Variants in TNS1 observed in about 807,000 individuals in gnomAD.
TNS1 encodes the protein tensin-1.
TNS1 carries 62 observed loss-of-function variants against 168.6 expected under a neutral mutation model. The ratio of observed to expected loss-of-function variants is 0.37; its 90% CI spans 0.30 to 0.45. The LOEUF (loss-of-function observed/expected upper bound fraction) is 0.45, where lower values mean the gene tolerates loss of function less well. Ranked by LOEUF, TNS1 falls within the 20% of genes least tolerant of loss-of-function variation. TNS1 has a pLI of 1.00. For synonymous variants in TNS1, 934 were observed against 933.2 expected (o/e 1.00, Z -0.02); for missense variants, 2,240 against 2,339.4 (o/e 0.96, Z 0.88).
chr2:217,995,545 C>A lies in TNS1; in HGVS notation c.34-4489G>T, dbSNP rs1958453932. Among the ~76,000 whole-genome samples the A allele has an allele frequency of 6.6e-6, 1 of 152,132 alleles. No homozygotes were observed. Among genetic ancestry groups the A allele is most frequent in the Non-Finnish European group, 1.5e-5 (1 of 68,024 alleles). On this transcript the variant is annotated intron_variant, in intron 1 of 32. Transcript: ENST00000682258. This position sits in a 1 kb window ranked among gnomAD's most constrained non-coding sequence, Gnocchi z 4.1. ...CTCCCCCCGGGTTGTTCTGCAGGTA[C>A]AGGCAGAGGATGTAAACAAGCCCCA...
chr2:217,809,818 C>T lies in TNS1; in HGVS notation c.5273+5G>A. ...CCCACCGAGGAGCAGGCAGGGGAGT[C>T]TTACTTTCTCTGGTTGTCAGTCAGA... On this transcript the variant is annotated splice_donor_5th_base_variant and intron_variant, in intron 30 of 32. Transcript: ENST00000682258. The T allele has an allele frequency of 6.2e-7, 1 of 1,611,522 alleles. No individual in the cohort carries two copies. Among genetic ancestry groups the T allele is most frequent in the Non-Finnish European group, 8.5e-7 (1 of 1,177,974 alleles).
At chr2:217,917,152 C>T (rs191657749) in intron 4 of TNS1, among the ~76,000 whole-genome samples, 1 of 152,292 alleles carries the variant, frequency 6.6e-6, no homozygotes, top group Non-Finnish European at 1.5e-5. Context: ...CAGCTGAAGG[C>T]AGCTGCCACC....
intron 4 of TNS1, among the ~76,000 whole-genome samples, chr2:217,916,371 C>A (rs1955006337): frequency 6.6e-6 from 1 of 152,060 alleles, no homozygotes; most frequent in East Asian, 1.9e-4. Context: ...CTGGGCCTGC[C>A]TGGGCAAGTA....
chr2:217,911,719 G>C (rs185503532), intron 4 of TNS1, among the ~76,000 whole-genome samples: 5 of 152,130 alleles, frequency 3.3e-5, no homozygotes, highest in Admixed American at 1.3e-4. Flanking sequence ...ACAGCCAGTC[G>C]GTAGGAGAGC....
At chr2:217,810,766 C>T (rs1940721106) in intron 28 of TNS1, among the ~76,000 whole-genome samples, 1 of 152,098 alleles carries the variant, frequency 6.6e-6, no homozygotes. Context: ...ACCATTGATC[C>T]AGCATAACTC....
chr2:218,032,834 C>A lies in TNS1; in HGVS notation c.156+986G>T, dbSNP rs889389028. ...GGGAGTCACAGGCGAGCTCCAGGCT[C>A]TCTCCAGAGGCCGCTTAGAAACCAG... On this transcript the variant is annotated intron_variant, in intron 1 of 1. Coordinates refer to the TNS1 transcript ENST00000649572. This position sits in a 1 kb window ranked among gnomAD's most constrained non-coding sequence, Gnocchi z 4.0. 1.3e-5 allele frequency among the ~76,000 whole-genome samples: 2 copies of A among 152,138 alleles called. No homozygotes were observed. Among genetic ancestry groups the A allele is most frequent in the African/African-American group, 2.4e-5 (1 of 41,422 alleles).
chr2:217,842,675 C>T (rs1946139227), intron 19 of TNS1, among the ~76,000 whole-genome samples: 1 of 152,192 alleles, frequency 6.6e-6, no homozygotes. Context: ...TAAGGCTTCT[C>T]ATGCCACACG....
chr2:217,815,413 G>C (rs1406002591), intron 24 of TNS1: 1 of 180,328 alleles, frequency 5.5e-6, no homozygotes, highest in East Asian at 1.3e-4. Flanking sequence ...AGAACTGTGA[G>C]AGAACATATT....
chr2:218,027,043 T>A (rs114057538), intron 1 of TNS1, among the ~76,000 whole-genome samples: 1,798 of 152,122 alleles, frequency 0.012, 38 homozygotes, highest in African/African-American at 0.041. Flanking sequence ...GCAGCCGGCT[T>A]CTGGGGGCCC....
intron 1 of TNS1, among the ~76,000 whole-genome samples, chr2:217,998,482 G>A (rs554780709): frequency 4.6e-5 from 7 of 152,240 alleles, no homozygotes; most frequent in South Asian, 2.1e-4. Flanking sequence ...GACGCCCTGC[G>A]CTGGAGTGAG....
intron 13 of TNS1, 73 bp downstream of exon 13, chr2:217,886,461 G>T: frequency 8.1e-7 from 1 of 1,227,486 alleles, no homozygotes; most frequent in Non-Finnish European, 1.2e-6. Flanking sequence ...ACCCAAGGTT[G>T]CCTCTTAGAG....
rs190802755 is a variant in TNS1, at chr2:217,969,501, C to T, written c.186+9264G>A. ...AATTCAAAACTGGCTTTTAAGACAA[C>T]CAGAGAATAGAAAAAAAAAATTCAG... On this transcript the variant is annotated intron_variant, in intron 3 of 32. Transcript: ENST00000682258. Among the ~76,000 whole-genome samples, 273 of 150,846 alleles carry T rather than the reference C, an allele frequency of 1.8e-3. 2 individuals carry two copies. Among genetic ancestry groups the T allele is most frequent in the African/African-American group, 5.9e-3 (242 of 40,674 alleles).
chr2:217,829,698 A>G (rs1230204733), intron 22 of TNS1: 1 of 889,182 alleles, frequency 1.1e-6, no homozygotes, highest in African/African-American at 1.7e-5. Context: ...CTCATCACCA[A>G]GCGTTGGGGG....
intron 18 of TNS1, among the ~76,000 whole-genome samples, chr2:217,868,335 C>G (rs543672110): frequency 1.4e-4 from 22 of 152,286 alleles, no homozygotes; most frequent in African/African-American, 4.8e-4. Flanking sequence ...GGAGGCAGGA[C>G]CCCTGAGCAG....
intron 28 of TNS1, 147 bp from the exon 29 acceptor site, chr2:217,810,466 C>T: frequency 1.4e-6 from 1 of 713,276 alleles, no homozygotes; most frequent in Non-Finnish European, 2.4e-6. Flanking sequence ...GAGTTAGGCT[C>T]AGTCTGAACG....
chr2:217,905,601 T>C, intron 6 of TNS1: 1 of 250,758 alleles, frequency 4.0e-6, no homozygotes, highest in Non-Finnish European at 8.1e-6. Context: ...CCTGTTCCTC[T>C]GCAGCCCAGG....
Position 217,872,929 on chromosome 2 carries a change from A to G in TNS1, c.1429+7969T>C, listed in dbSNP as rs182988986. 4.1e-4 allele frequency among the ~76,000 whole-genome samples: 62 copies of G among 152,362 alleles called. 1 individual carries two copies. The highest frequency in any genetic ancestry group is 1.4e-3 in the African/African-American group (57 of 41,584). ...AACATTGGGTCAAGTAAAAGAAACCAGACACAAAAGACCACATATTGTATC... is the reference window on the plus strand; with the variant it reads ...AACATTGGGTCAAGTAAAAGAAACCGGACACAAAAGACCACATATTGTATC... On this transcript the variant is annotated intron_variant, in intron 18 of 32. Coordinates refer to ENST00000682258, the MANE Select transcript of TNS1 (RefSeq NM_001387777.1).
intron 4 of TNS1, among the ~76,000 whole-genome samples, chr2:217,917,400 G>A (rs1222537823): frequency 6.6e-6 from 1 of 152,162 alleles, no homozygotes; most frequent in Non-Finnish European, 1.5e-5. Flanking sequence ...TTTACATGCT[G>A]GCATGGGCAA....
In TNS1 at chr2:217,994,021, G is replaced by T. The variant is rs564529383; in HGVS notation, c.34-2965C>A. Among the ~76,000 whole-genome samples the T allele has an allele frequency of 7.9e-5, 12 of 152,316 alleles. No individual in the cohort carries two copies. The South Asian group carries it at 2.3e-3, about 29-fold the overall frequency. On this transcript the variant is annotated intron_variant, in intron 1 of 32. Coordinates refer to ENST00000682258, the MANE Select transcript of TNS1 (RefSeq NM_001387777.1). ...CTAGAAGTGGGGACTGCGGAGGGTGGGGAGCTGGAGCCCAGCAGTGCCCCC... is the reference window on the plus strand; with the variant it reads ...CTAGAAGTGGGGACTGCGGAGGGTGTGGAGCTGGAGCCCAGCAGTGCCCCC...
Sources: allele counts gnomAD v4.1 joint callset (sites outside exome capture counted in the v4.1 genomes callset), GRCh38; gene constraint gnomAD v4.1.1; non-coding constraint Gnocchi (gnomAD v3.1); transcripts MANE v1.5; gene names NCBI Gene and HGNC (gene_info 2026-07-23, HGNC 2026-07-21).